Variants in MOCS1 observed in about 807,000 individuals in gnomAD.
MOCS1 encodes the protein molybdenum cofactor synthesis 1, also known as molybdenum cofactor biosynthesis protein 1.
A neutral mutation model predicts 57.6 loss-of-function variants in MOCS1; 39 were observed. That is an observed-to-expected ratio of 0.68 (90% confidence interval 0.52 to 0.88). The LOEUF is 0.88. MOCS1 is among the 40% of genes least tolerant of loss of function. The pLI is 0.00. For synonymous variants in MOCS1, 334 were observed against 335.7 expected, an observed-to-expected ratio of 1.00 and a Z score of 0.05; for missense variants, 795 against 831.1, an observed-to-expected ratio of 0.96 and a Z score of 0.53.
At chr6:39,908,640 C>T (rs1767102708) in intron 10 of MOCS1, among the ~76,000 whole-genome samples, 1 of 152,176 alleles carries the variant, frequency 6.6e-6, no homozygotes, top group East Asian at 1.9e-4. Context: ...CGTGGGGGCT[C>T]ATGGTCCAGA....
At chr6:39,918,283 A>AC (rs1196569917) in intron 3 of MOCS1, among the ~76,000 whole-genome samples, 1 of 152,216 alleles carries the variant, frequency 6.6e-6, no homozygotes, top group Non-Finnish European at 1.5e-5. Context: ...GAGAGAGGAA[A>AC]CCAAGAGTAA....
rs561139663 is a variant in MOCS1, at chr6:39,909,120, TG to T, written c.1103-19del. On this transcript the variant is annotated intron_variant, in intron 9 of 10. Transcript: ENST00000340692. ...GAACATGCCTGGGGTGAGGGAAAGATGGGGAGGGAGAGGAAAGCAGGGGAGG... is the reference window on the plus strand; with the variant it reads ...GAACATGCCTGGGGTGAGGGAAAGATGGGAGGGAGAGGAAAGCAGGGGAGG... 5 of 1,470,246 alleles carry T rather than the reference TG, an allele frequency of 3.4e-6. No homozygotes were observed. In the East Asian group the frequency reaches 1.3e-4, roughly 38 times the overall value. The allele number at this position is 1,470,246 out of a possible 1,614,324, so 91.1% of individuals were successfully genotyped here.
intron 3 of MOCS1, among the ~76,000 whole-genome samples, chr6:39,919,718 C>T (rs1435528645): frequency 6.6e-6 from 1 of 152,030 alleles, no homozygotes; most frequent in African/African-American, 2.4e-5. Flanking sequence ...TGAAACAGAT[C>T]AAGTTCAGAA....
intron 4 of MOCS1, among the ~76,000 whole-genome samples, chr6:39,914,412 G>A (rs1471659821): frequency 6.6e-6 from 1 of 152,224 alleles, no homozygotes; most frequent in African/African-American, 2.4e-5. Context: ...TTCCTCAACA[G>A]TCCATCAATT....
rs1230868075 is a variant in MOCS1, at chr6:39,905,497, CCA to C, written c.*858_*859del. ...AAACTGCAGCAGCTCAGTGCCCTAC[CCA>C]CACAGTGTCTTCATTCTTGCATCTG... is the stretch of plus-strand genomic sequence containing the variant. On this transcript the variant is annotated 3_prime_UTR_variant, in exon 11 of 11. Transcript: ENST00000340692. 5 of 471,038 alleles carry C rather than the reference CCA, an allele frequency of 1.1e-5. No individual in the cohort carries two copies. The highest frequency in any genetic ancestry group is 2.3e-5 in the Admixed American group (1 of 42,556). 29.2% of individuals were successfully genotyped at this position (471,038 alleles called of 1,614,324 possible). A position where few individuals can be genotyped will look rare whatever the true frequency, so the allele number is the denominator to read the frequency against.
rs770811218 is a variant in MOCS1, at chr6:39,927,327, A to G, written c.250+2T>C. ...CAGAGAGGGCCCAGGAAGGTGACTC[A>G]CATCTGAGGTTGCACTTCTCTGTGA... On this transcript the variant is annotated splice_donor_variant, in intron 2 of 10. Coordinates refer to ENST00000340692, the MANE Select transcript of MOCS1 (RefSeq NM_001358530.2). LOFTEE classifies it high-confidence loss of function. 6.2e-7 allele frequency: 1 copy of G among 1,609,858 alleles called. No homozygotes were observed. The highest frequency in any genetic ancestry group is 8.5e-7 in the Non-Finnish European group (1 of 1,177,992).
intron 2 of MOCS1, 178 bp downstream of exon 2, chr6:39,927,151 A>G: frequency 1.6e-6 from 1 of 644,090 alleles, no homozygotes; most frequent in Non-Finnish European, 2.7e-6. Context: ...CATACAACTC[A>G]GCCTTGACCC....
At chr6:39,917,224 A>G (rs1767710285) in intron 3 of MOCS1, among the ~76,000 whole-genome samples, 1 of 152,192 alleles carries the variant, frequency 6.6e-6, no homozygotes, top group Non-Finnish European at 1.5e-5. Context: ...ACTTACAATC[A>G]TGGCAGAAGA....
chr6:39,930,062 C>T (rs1317005363), intron 1 of MOCS1, among the ~76,000 whole-genome samples: 1 of 152,104 alleles, frequency 6.6e-6, no homozygotes, highest in East Asian at 1.9e-4. Context: ...ACTGCACCAC[C>T]CGTTCTGAAC....
chr6:39,927,518 G>T lies in MOCS1; in HGVS notation c.124-63C>A, dbSNP rs1344390522. ...CTACCGGGCTGGGAAGAGGCACAAG[G>T]AGAACCGCCTGCCCCCTCCCTTACT... On this transcript the variant is annotated intron_variant, in intron 1 of 10. Transcript: ENST00000340692. 1 of 1,610,952 alleles carries T rather than the reference G, an allele frequency of 6.2e-7. No homozygotes were observed. The highest frequency in any genetic ancestry group is 8.5e-7 in the Non-Finnish European group (1 of 1,178,816).
At chr6:39,910,324 G>A (rs1205384698) in intron 8 of MOCS1, among the ~76,000 whole-genome samples, 1 of 152,194 alleles carries the variant, frequency 6.6e-6, no homozygotes, top group Non-Finnish European at 1.5e-5. Context: ...ACCAGTTGGA[G>A]CTGTGTGTGT....
At chr6:39,921,377 C>T (rs934693382) in intron 3 of MOCS1, among the ~76,000 whole-genome samples, 3 of 149,814 alleles carry the variant, frequency 2.0e-5, no homozygotes, top group Non-Finnish European at 4.4e-5. Context: ...CCAGCCTGGG[C>T]GACAGAGCAA....
Position 39,905,112 on chromosome 6 carries a change from G to T in MOCS1, c.*1245C>A, listed in dbSNP as rs1212954942. 2.6e-5 allele frequency: 12 copies of T among 454,492 alleles called. No individual in the cohort carries two copies. Among genetic ancestry groups the T allele is most frequent in the Admixed American group, 1.9e-4 (8 of 42,566 alleles). The allele number at this position is 454,492 out of a possible 1,614,324, so 28.2% of individuals were successfully genotyped here. On this transcript the variant is annotated 3_prime_UTR_variant, in exon 11 of 11. Coordinates refer to ENST00000340692, the MANE Select transcript of MOCS1 (RefSeq NM_001358530.2). ...AGCACACCTTGGCATAGGGCAGAGGGGAGGCAGGCAGGGGGCACCACTGAG... is the reference window on the plus strand; with the variant it reads ...AGCACACCTTGGCATAGGGCAGAGGTGAGGCAGGCAGGGGGCACCACTGAG...
At chr6:39,907,218 C>G in intron 10 of MOCS1, 101 bp from the exon 11 acceptor site, 1 of 1,252,948 alleles carries the variant, frequency 8.0e-7, no homozygotes, top group Non-Finnish European at 1.1e-6. Context: ...CTCAAGTTCT[C>G]TTTCATACCG....
chr6:39,917,139 C>T (rs921550037), intron 3 of MOCS1, among the ~76,000 whole-genome samples: 3 of 152,190 alleles, frequency 2.0e-5, no homozygotes, highest in African/African-American at 7.2e-5. Flanking sequence ...AAAGAAATAC[C>T]TGAGACTGGG....
chr6:39,912,904 G>T lies in MOCS1; in HGVS notation c.858C>A (p.Ser286=). The change falls in exon 7 of 11, where the codon TCC becomes TCA. Residue 286 remains serine (S), a synonymous_variant. Transcript: ENST00000340692. Reference sequence around the variant, plus strand: ...CCTGCTCCCTAACCTTGGCTGTGCTGGATTCCTCCTCTGGCACCTTCTCCA... The same window carrying T: ...CCTGCTCCCTAACCTTGGCTGTGCTTGATTCCTCCTCTGGCACCTTCTCCA... The part of the protein sequence containing the change: ...PELEKVPEEE[S]STAKAFKIPG... 1 of 1,614,036 alleles carries T rather than the reference G, an allele frequency of 6.2e-7. No individual in the cohort carries two copies.
intron 3 of MOCS1, among the ~76,000 whole-genome samples, chr6:39,917,332 A>T (rs1767716190): frequency 6.6e-6 from 1 of 152,092 alleles, no homozygotes; most frequent in Non-Finnish European, 1.5e-5. Context: ...GTCAAAACTC[A>T]CTATCATGAG....
At chr6:39,920,988 G>GC (rs979391119) in intron 3 of MOCS1, among the ~76,000 whole-genome samples, 1 of 145,496 alleles carries the variant, frequency 6.9e-6, no homozygotes, top group African/African-American at 2.6e-5. Flanking sequence ...AAAAAAAAAA[G>GC]GGGGGGGGAC....
chr6:39,925,923 T>C, intron 2 of MOCS1, 78 bp from the exon 3 acceptor site: 1 of 1,472,804 alleles, frequency 6.8e-7, no homozygotes, highest in Non-Finnish European at 9.2e-7. Flanking sequence ...ACTCCCCAAC[T>C]CTCCATCAGG....
Sources: allele counts gnomAD v4.1 joint callset (sites outside exome capture counted in the v4.1 genomes callset), GRCh38; gene constraint gnomAD v4.1.1; transcripts MANE v1.5; gene names NCBI Gene and HGNC (gene_info 2026-07-23, HGNC 2026-07-21).